TMC2: variants seen among roughly 807,000 people sequenced by gnomAD.
TMC2 encodes the protein transmembrane channel-like protein 2.
TMC2 carries 102 observed loss-of-function variants against 105.9 expected under a neutral mutation model. That is an observed-to-expected ratio of 0.96 (90% CI 0.82 to 1.14). The LOEUF is 1.14. Among genes scored for constraint, TMC2 ranks in the 50% most tolerant of loss-of-function variants. TMC2 has a pLI of 0.00. For missense variants in TMC2, 1,093 were observed against 1,134.3 expected, an observed-to-expected ratio of 0.96 and a Z score of 0.52; for synonymous variants, 402 against 422.8, an observed-to-expected ratio of 0.95 and a Z score of 0.60.
Position 2,610,566 on chromosome 20 carries a change from C to T in TMC2, c.1561C>T (p.Leu521Phe), listed in dbSNP as rs1348132772. 3 of 1,608,104 alleles carry T rather than the reference C, an allele frequency of 1.9e-6. No homozygotes were observed. The African/African-American group carries it at 4.0e-5, about 22-fold the overall frequency. Residue 521 changes from leucine to phenylalanine, a missense_variant, in exon 12 of 20, where the codon CTC (leucine) becomes TTC (phenylalanine). Physicochemically the swap from Leu to Phe is conservative, Grantham distance 22. Transcript: ENST00000358864. Reference protein sequence around the residue: ...ALFLGNLYTFLLALMDDVHLK... With the variant: ...ALFLGNLYTFFLALMDDVHLK... ...CTTCCTGGGGAACCTCTACACATTT[C>T]TCTTGGCCCTGATGGATGACGTCCA...
At chr20:2,628,447 C>T (rs936377086) in intron 17 of TMC2, among the ~76,000 whole-genome samples, 1 of 152,098 alleles carries the variant, frequency 6.6e-6, no homozygotes, top group African/African-American at 2.4e-5. Context: ...TATTCAGTCA[C>T]TGATATAGTT....
At chr20:2,597,000 T>C in intron 9 of TMC2, 151 bp from the exon 10 acceptor site, 1 of 749,606 alleles carries the variant, frequency 1.3e-6, no homozygotes, top group Non-Finnish European at 2.1e-6. Flanking sequence ...AAAGCTGTCT[T>C]GGCTCAAGTC....
At chr20:2,638,108 G>C (rs541237842) in intron 19 of TMC2, among the ~76,000 whole-genome samples, 1 of 152,182 alleles carries the variant, frequency 6.6e-6, no homozygotes, top group Non-Finnish European at 1.5e-5. Context: ...TTGGGAGGCC[G>C]ACGCGGGCGG....
Position 2,558,694 on chromosome 20 carries a change from C to A in TMC2, c.321C>A (p.Phe107Leu). The change falls in exon 3 of 20, where the codon TTC becomes TTA. Residue 107 changes from phenylalanine (F) to leucine (L), a missense_variant. By Grantham distance (22) the Phe-to-Leu change is conservative. Transcript: ENST00000358864. The surrounding 1 kb of genome is among the most constrained non-coding windows in gnomAD (Gnocchi z 4.6). ...GAAAGCGCGACGAGAGGGCCTCCTT[C>A]CAGGAGCGGACAGCAGCCCCAAAGA... is the stretch of plus-strand genomic sequence containing the variant. ...GRRKRDERAS[F>L]QERTAAPKRE... 1 of 1,604,552 alleles carries A rather than the reference C, an allele frequency of 6.2e-7. No individual in the cohort carries two copies. The highest frequency in any genetic ancestry group is 8.5e-7 in the Non-Finnish European group (1 of 1,175,488).
chr20:2,574,812 G>A (rs2086131703), intron 5 of TMC2, among the ~76,000 whole-genome samples: 1 of 151,588 alleles, frequency 6.6e-6, no homozygotes, highest in Admixed American at 6.6e-5. Context: ...TACAACCTCT[G>A]CCTCCCAGGT....
intron 4 of TMC2, among the ~76,000 whole-genome samples, chr20:2,571,426 A>C (rs1442645118): frequency 6.6e-6 from 1 of 152,208 alleles, no homozygotes; most frequent in Non-Finnish European, 1.5e-5. Flanking sequence ...TTATCAGAAA[A>C]ATGCAAATCA....
At chr20:2,555,309 G>C (rs1436968225) in intron 2 of TMC2, among the ~76,000 whole-genome samples, 2 of 152,166 alleles carry the variant, frequency 1.3e-5, no homozygotes, top group Non-Finnish European at 2.9e-5. Flanking sequence ...TCGAACACCT[G>C]ACCTCAGGTG....
chr20:2,596,483 A>G (rs1012191568), intron 9 of TMC2, among the ~76,000 whole-genome samples: 3 of 152,070 alleles, frequency 2.0e-5, no homozygotes, highest in Admixed American at 2.0e-4. Context: ...AATACAAAAA[A>G]TTAGCCAGGC....
At chr20:2,640,930 C>T (rs1054431548) in intron 19 of TMC2, among the ~76,000 whole-genome samples, 3 of 152,110 alleles carry the variant, frequency 2.0e-5, no homozygotes, top group South Asian at 4.2e-4. Flanking sequence ...AGTTCTCTAG[C>T]CAGAAGACCA....
At chr20:2,627,743 C>T (rs1312240328) in intron 17 of TMC2, among the ~76,000 whole-genome samples, 1 of 152,166 alleles carries the variant, frequency 6.6e-6, no homozygotes, top group African/African-American at 2.4e-5. Flanking sequence ...CTCTGGAGAG[C>T]TGGACCAATA....
chr20:2,551,148 T>C (rs2085954119), intron 2 of TMC2, among the ~76,000 whole-genome samples: 1 of 152,228 alleles, frequency 6.6e-6, no homozygotes, highest in African/African-American at 2.4e-5. Flanking sequence ...TTATAGCATT[T>C]TGTGTTGCCA....
Position 2,558,684 on chromosome 20 carries a change from G to A in TMC2, c.311G>A (p.Arg104Lys). 1 of 1,602,348 alleles carries A rather than the reference G, an allele frequency of 6.2e-7. No individual in the cohort carries two copies. The highest frequency in any genetic ancestry group is 1.3e-5 in the African/African-American group (1 of 74,840). ...TCEGRRKRDE[R>K]ASFQERTAAP... ...GAGGGCAGGAGAAAGCGCGACGAGA[G>A]GGCCTCCTTCCAGGAGCGGACAGCA... The change falls in exon 3 of 20, where the codon AGG becomes AAG. Residue 104 changes from arginine to lysine, a missense_variant. Coordinates refer to ENST00000358864, the MANE Select transcript of TMC2 (RefSeq NM_080751.3). The surrounding 1 kb of genome is among the most constrained non-coding windows in gnomAD (Gnocchi z 4.6).
rs374110354 is a variant in TMC2 at position 2,561,845 on chromosome 20, G to A, written c.402-13G>A. The A allele has an allele frequency of 1.5e-4, 245 of 1,610,116 alleles. No homozygotes were observed. The highest frequency in any genetic ancestry group is 1.9e-4 in the Non-Finnish European group (225 of 1,178,298). ...CCAACTTCCCTCTGCCTCCGCCCTG[G>A]CTCTGCCTCCAGGTCATCCTCCTTG... On this transcript the variant is annotated splice_polypyrimidine_tract_variant and intron_variant, in intron 3 of 19. Transcript: ENST00000358864.
rs35012600 is a variant in TMC2 at position 2,556,868 on chromosome 20, CT to C, written c.83-1576del. 3.1e-4 allele frequency among the ~76,000 whole-genome samples: 46 copies of C among 147,436 alleles called. 1 individual carries two copies. Among genetic ancestry groups the C allele is most frequent in the Middle Eastern group, 3.5e-3 (1 of 282 alleles). ...CTTTTGATGGATACAGAATTCTGTC[CT>C]TTTTTTTTTTTCCGTCAGCACTTTA... On this transcript the variant is annotated intron_variant, in intron 2 of 19. Transcript: ENST00000358864.
intron 17 of TMC2, among the ~76,000 whole-genome samples, chr20:2,634,201 C>T (rs1339177110): frequency 6.6e-6 from 1 of 152,208 alleles, no homozygotes; most frequent in African/African-American, 2.4e-5. Flanking sequence ...TGGTCAGTTT[C>T]CTGCCCGCTG....
chr20:2,625,466 CAT>C lies in TMC2; in HGVS notation c.2306+1071_2306+1072del, dbSNP rs560327460. 9.8e-4 allele frequency among the ~76,000 whole-genome samples: 150 copies of C among 152,322 alleles called. 1 individual carries two copies. Among genetic ancestry groups the C allele is most frequent in the African/African-American group, 3.5e-3 (146 of 41,558 alleles). On this transcript the variant is annotated intron_variant, in intron 17 of 19. Coordinates refer to ENST00000358864, the MANE Select transcript of TMC2 (RefSeq NM_080751.3). ...ATGCATATTTTGTACTTTTTAATCA[CAT>C]GTGTGTATAGTACTGTTTCCGGAGT... is the stretch of plus-strand genomic sequence containing the variant.
chr20:2,594,948 C>G lies in TMC2; in HGVS notation c.1057C>G (p.Leu353Val). The G allele has an allele frequency of 6.2e-7, 1 of 1,613,874 alleles. No individual in the cohort carries two copies. The highest frequency in any genetic ancestry group is 8.5e-7 in the Non-Finnish European group (1 of 1,179,918). ...GGGGGTCAGCGTGTTCGGCTACAGC[C>G]TGATTATTGTCATTCGATCGTAAGT... is the stretch of plus-strand genomic sequence containing the variant. ...MVGVSVFGYS[L>V]IIVIRSMASN... The change falls in exon 9 of 20, where the codon CTG (leucine) becomes GTG (valine). Residue 353 changes from leucine (L) to valine (V), a missense_variant. Leu to Val is a conservative substitution (Grantham distance 32). Coordinates refer to ENST00000358864, the MANE Select transcript of TMC2 (RefSeq NM_080751.3).
intron 7 of TMC2, among the ~76,000 whole-genome samples, chr20:2,583,935 C>T (rs925942187): frequency 2.0e-5 from 3 of 152,014 alleles, no homozygotes; most frequent in African/African-American, 7.3e-5. Flanking sequence ...TTTTTTAAGC[C>T]TCTAACATTT....
At chr20:2,627,960 G>C (rs1426567895) in intron 17 of TMC2, among the ~76,000 whole-genome samples, 1 of 152,082 alleles carries the variant, frequency 6.6e-6, no homozygotes, top group Non-Finnish European at 1.5e-5. Flanking sequence ...CTGAGGTCAG[G>C]AGTTTGAGAC....
Sources: allele counts gnomAD v4.1 joint callset (sites outside exome capture counted in the v4.1 genomes callset), GRCh38; gene constraint gnomAD v4.1.1; non-coding constraint Gnocchi (gnomAD v3.1); transcripts MANE v1.5; gene names NCBI Gene and HGNC (gene_info 2026-07-23, HGNC 2026-07-21).